The following KLHL18 variants were observed in gnomAD, a reference collection of about 807,000 sequenced individuals.
KLHL18 encodes the protein kelch like family member 18.
Under a neutral mutation model 58.5 loss-of-function variants are expected in KLHL18, and 38 were observed. The observed-to-expected ratio is 0.65, with a 90% confidence interval of 0.50 to 0.85. KLHL18 has a LOEUF of 0.85. Ranked by LOEUF, KLHL18 falls within the 40% of genes least tolerant of loss-of-function variation. KLHL18 has a pLI of 0.00. For missense variants in KLHL18, 624 were observed against 778.4 expected, an observed-to-expected ratio of 0.80 and a Z score of 2.36; for synonymous variants, 303 against 301.9, an observed-to-expected ratio of 1.00 and a Z score of -0.04.
Position 47,334,720 on chromosome 3 carries a change from C to A in KLHL18, c.799C>A (p.Pro267Thr), listed in dbSNP as rs748025989. ...VDEAKDYHLM[P>T]ERRPHLPAFR... ...CGAAGCAAAGGACTACCACCTCATG[C>A]CAGAGCGCCGGCCCCACCTGCCAGC... The change falls in exon 6 of 10, where the codon CCA (proline) becomes ACA (threonine). Residue 267 changes from proline (P) to threonine (T), a missense_variant. Transcript: ENST00000232766. This position sits in a 1 kb window ranked among gnomAD's most constrained non-coding sequence, Gnocchi z 4.7. The A allele has an allele frequency of 5.0e-6, 8 of 1,614,034 alleles. No individual in the cohort carries two copies. Among genetic ancestry groups the A allele is most frequent in the Non-Finnish European group, 6.8e-6 (8 of 1,180,026 alleles).
chr3:47,309,051 G>C (rs1295634744), intron 1 of KLHL18, among the ~76,000 whole-genome samples: 1 of 152,124 alleles, frequency 6.6e-6, no homozygotes, highest in Non-Finnish European at 1.5e-5. Flanking sequence ...ACCCTGAGTG[G>C]ACACAGCACA....
chr3:47,330,158 G>T lies in KLHL18; in HGVS notation c.600+9G>T. ...TCAAATCTGAGGAGCAGGTATGTGA[G>T]CCCAGTAGCAGTCTGTGCAGGTGAC... On this transcript the variant is annotated intron_variant, in intron 4 of 9. Coordinates refer to ENST00000232766, the MANE Select transcript of KLHL18 (RefSeq NM_025010.5). 1 of 1,613,244 alleles carries T rather than the reference G, an allele frequency of 6.2e-7. No homozygotes were observed. The highest frequency in any genetic ancestry group is 1.1e-5 in the South Asian group (1 of 91,020).
intron 1 of KLHL18, among the ~76,000 whole-genome samples, chr3:47,300,239 C>T (rs946929582): frequency 6.7e-6 from 1 of 148,740 alleles, no homozygotes; most frequent in Non-Finnish European, 1.5e-5. Context: ...CTCGGGAAAA[C>T]CCTGACTAAT....
intron 1 of KLHL18, among the ~76,000 whole-genome samples, chr3:47,284,010 A>G (rs1702575344): frequency 6.6e-6 from 1 of 152,196 alleles, no homozygotes; most frequent in African/African-American, 2.4e-5. Context: ...AGGCGAGAGG[A>G]TCACTTGAGT....
At chr3:47,291,810 C>T (rs1422044621) in intron 1 of KLHL18, among the ~76,000 whole-genome samples, 3 of 152,104 alleles carry the variant, frequency 2.0e-5, no homozygotes, top group African/African-American at 7.2e-5. Context: ...AAAAATTTTC[C>T]CAGCTTACTA....
chr3:47,315,121 A>G (rs1703390135), intron 1 of KLHL18, among the ~76,000 whole-genome samples: 1 of 152,236 alleles, frequency 6.6e-6, no homozygotes, highest in African/African-American at 2.4e-5. Flanking sequence ...GCAAATGAGA[A>G]ATCAATGGAA....
At chr3:47,315,072 A>G (rs533216030) in intron 1 of KLHL18, among the ~76,000 whole-genome samples, 1 of 152,198 alleles carries the variant, frequency 6.6e-6, no homozygotes. Flanking sequence ...CCCCTCCATA[A>G]CCCCATTAAA....
At chr3:47,301,686 T>C (rs1703029152) in intron 1 of KLHL18, among the ~76,000 whole-genome samples, 1 of 152,208 alleles carries the variant, frequency 6.6e-6, no homozygotes, top group South Asian at 2.1e-4. Context: ...CATTCAGAAA[T>C]CAAAGTGCAA....
intron 1 of KLHL18, among the ~76,000 whole-genome samples, chr3:47,303,322 C>G (rs1703066680): frequency 6.6e-6 from 1 of 152,160 alleles, no homozygotes; most frequent in South Asian, 2.1e-4. Flanking sequence ...CTGTGACACC[C>G]TGATTTAGAG....
At chr3:47,310,625 G>C (rs970329009) in intron 1 of KLHL18, among the ~76,000 whole-genome samples, 1 of 152,208 alleles carries the variant, frequency 6.6e-6, no homozygotes, top group East Asian at 1.9e-4. Context: ...CTCGGTGTCA[G>C]CTTGTCCAAA....
chr3:47,302,713 A>AC (rs1703053913), intron 1 of KLHL18, among the ~76,000 whole-genome samples: 1 of 152,170 alleles, frequency 6.6e-6, no homozygotes, highest in Non-Finnish European at 1.5e-5. Flanking sequence ...GATCAACTGT[A>AC]CATTGTCATT....
At chr3:47,340,768 G>T in intron 8 of KLHL18, 92 bp downstream of exon 8, 1 of 1,434,624 alleles carries the variant, frequency 7.0e-7, no homozygotes. Flanking sequence ...AGCTTCTCAA[G>T]GGTAGAGAAT....
Position 47,324,332 on chromosome 3 carries a change from G to T in KLHL18, c.401+1624G>T, listed in dbSNP as rs560062645. On this transcript the variant is annotated intron_variant, in intron 3 of 9. Transcript: ENST00000232766. ...TTTTTTTTTTTTTTTTTTCTGTAAG[G>T]TAGAGCCCCAGGCTTGGAGGCCTTG... is the stretch of plus-strand genomic sequence containing the variant. 1.5e-3 allele frequency among the ~76,000 whole-genome samples: 12 copies of T among 7,848 alleles called. 1 individual carries two copies. The East Asian group carries it at 0.12, about 82-fold the overall frequency. 5.1% of individuals were successfully genotyped at this position (7,848 alleles called of 152,430 possible).
At chr3:47,336,799 C>T in intron 7 of KLHL18, 42 bp downstream of exon 7, 1 of 1,492,862 alleles carries the variant, frequency 6.7e-7, no homozygotes, top group Non-Finnish European at 9.3e-7. Flanking sequence ...ACACACTGAG[C>T]ACCTGGGGAG....
In KLHL18 at chr3:47,344,561, AG is replaced by A. The variant is rs1704186309; in HGVS notation, c.*622del. ...CATGTCTAATTTTGGGATTTCAGTG[AG>A]GCCTTTTGATCTGTCCAGGAGAACA... is the stretch of plus-strand genomic sequence containing the variant. On this transcript the variant is annotated 3_prime_UTR_variant, in exon 10 of 10. Transcript: ENST00000232766. The A allele has an allele frequency of 2.2e-3, 2 of 892 alleles. No individual in the cohort carries two copies. The allele number at this position is 892 out of a possible 1,614,324, so 0.1% of individuals were successfully genotyped here. A position where few individuals can be genotyped will look rare whatever the true frequency, so the allele number is the denominator to read the frequency against.
At chr3:47,309,564 C>T (rs1185146274) in intron 1 of KLHL18, among the ~76,000 whole-genome samples, 3 of 152,180 alleles carry the variant, frequency 2.0e-5, no homozygotes, top group Non-Finnish European at 4.4e-5. Flanking sequence ...GATGGGCAGC[C>T]AGGCAGAGAC....
At chr3:47,338,465 G>T (rs1335091344) in intron 7 of KLHL18, 2 of 152,202 alleles carry the variant, frequency 1.3e-5, no homozygotes, top group Non-Finnish European at 2.9e-5. Flanking sequence ...GGTTCAGGGG[G>T]TCAGTTATCA....
intron 1 of KLHL18, among the ~76,000 whole-genome samples, chr3:47,294,875 A>G (rs1180268876): frequency 6.6e-6 from 1 of 152,136 alleles, no homozygotes; most frequent in Non-Finnish European, 1.5e-5. Context: ...AGATGATGAT[A>G]ATGGCCGGAG....
At chr3:47,333,686 G>C (rs1703920041) in intron 5 of KLHL18, among the ~76,000 whole-genome samples, 2 of 152,228 alleles carry the variant, frequency 1.3e-5, no homozygotes. Context: ...GGACTTCCTG[G>C]GGCTCATTGC....
Sources: gnomAD v4.1 joint callset for allele counts (sites outside exome capture counted in the v4.1 genomes callset) on GRCh38, gnomAD v4.1.1 for gene constraint, Gnocchi (gnomAD v3.1) non-coding constraint, MANE v1.5 for transcripts, NCBI Gene and HGNC (gene_info 2026-07-23, HGNC 2026-07-21) for gene names.